Variants in MYH15 observed in about 807,000 individuals in gnomAD.
MYH15 encodes the protein myosin-15.
Under a neutral mutation model 240.5 loss-of-function variants are expected in MYH15, and 227 were observed. That is an observed-to-expected ratio of 0.94 (90% confidence interval 0.85 to 1.05). MYH15 has a LOEUF of 1.05. Ranked by LOEUF, MYH15 falls within the 50% of genes least tolerant of loss-of-function variation. MYH15 has a pLI of 0.00. For missense variants in MYH15, 2,217 were observed against 2,247.5 expected (o/e 0.99, Z 0.27); for synonymous variants, 785 against 796.7 (o/e 0.99, Z 0.25).
intron 27 of MYH15, among the ~76,000 whole-genome samples, chr3:108,424,885 C>G (rs1030703214): frequency 1.3e-5 from 2 of 152,206 alleles, no homozygotes; most frequent in East Asian, 3.9e-4. Context: ...GAGTTCATCT[C>G]TTCCATAGAA....
chr3:108,455,418 C>T (rs1028942026), intron 20 of MYH15, among the ~76,000 whole-genome samples: 2 of 152,184 alleles, frequency 1.3e-5, no homozygotes, highest in African/African-American at 4.8e-5. Context: ...CTCCAGGAAG[C>T]TGATTCACTT....
chr3:108,396,347 G>GC (rs749443320), intron 35 of MYH15, among the ~76,000 whole-genome samples: 3 of 129,208 alleles, frequency 2.3e-5, no homozygotes, highest in Non-Finnish European at 3.4e-5. Context: ...AGCAGGGTTG[G>GC]GGGGAGACGG....
In MYH15 at chr3:108,421,185, A is replaced by C; in HGVS notation, c.3732T>G (p.Tyr1244Ter). Reference sequence around the variant, plus strand: ...CAGTTGCTTCATGCAAGCGCTCTTCATATAGAGTACAGAGTTTCTCAGCAT... The same window carrying C: ...CAGTTGCTTCATGCAAGCGCTCTTCCTATAGAGTACAGAGTTTCTCAGCAT... ...KANAEKLCTL[Y>*]EERLHEATAK... The change falls in exon 28 of 41, where the codon TAT becomes TAG. Residue 1244 changes from tyrosine (Y) to a stop codon, truncating the protein, a stop_gained. Transcript: ENST00000693548. LOFTEE classifies it high-confidence loss of function. 1 of 1,613,628 alleles carries C rather than the reference A, an allele frequency of 6.2e-7. No homozygotes were observed. The highest frequency in any genetic ancestry group is 8.5e-7 in the Non-Finnish European group (1 of 1,179,948).
intron 28 of MYH15, among the ~76,000 whole-genome samples, chr3:108,420,696 G>A (rs1292612758): frequency 6.6e-6 from 1 of 152,150 alleles, no homozygotes; most frequent in Non-Finnish European, 1.5e-5. Context: ...TTTACCAGGT[G>A]TAAAGAGAGA....
In MYH15 at chr3:108,486,486, A is replaced by G. The variant is rs1323303093; in HGVS notation, c.912T>C (p.Phe304=). The G allele has an allele frequency of 1.2e-6, 2 of 1,613,002 alleles. No individual in the cohort carries two copies. Among genetic ancestry groups the G allele is most frequent in the Non-Finnish European group, 1.7e-6 (2 of 1,179,190 alleles). Residue 304 remains phenylalanine, a synonymous_variant, in exon 10 of 41, where the codon TTT becomes TTC. Coordinates refer to ENST00000693548, the MANE Select transcript of MYH15 (RefSeq NM_014981.3). ...CCACAGTAACTGCTCCACAGGAGCA[A>G]AAGTGGAAGTCTGAGGGATTTGCAG... ...LVSANPSDFH[F]CSCGAVTVES...
At chr3:108,411,091 G>C (rs1179615152) in intron 30 of MYH15, among the ~76,000 whole-genome samples, 159 bp from the exon 31 acceptor site, 2 of 152,154 alleles carry the variant, frequency 1.3e-5, no homozygotes, top group African/African-American at 2.4e-5. Context: ...ATCTGAAAGT[G>C]ACCTCACTGT....
intron 28 of MYH15, among the ~76,000 whole-genome samples, chr3:108,419,114 T>C (rs911497197): frequency 6.6e-6 from 1 of 152,166 alleles, no homozygotes. Flanking sequence ...TTGAGACTAA[T>C]ACATCACGTA....
chr3:108,415,121 C>T (rs555919632), intron 29 of MYH15, among the ~76,000 whole-genome samples: 18 of 152,182 alleles, frequency 1.2e-4, no homozygotes, highest in Non-Finnish European at 2.2e-4. Flanking sequence ...ATGTATTGGA[C>T]GGCCCTGCTG....
intron 2 of MYH15, among the ~76,000 whole-genome samples, chr3:108,502,163 T>C (rs775786628): frequency 1.3e-5 from 2 of 152,186 alleles, no homozygotes; most frequent in African/African-American, 2.4e-5. Flanking sequence ...GATCATATTA[T>C]GTACAATCTA....
At chr3:108,545,654 A>T in the MYH15 span, among the ~76,000 whole-genome samples, 1 of 151,870 alleles carries the variant, frequency 6.6e-6, no homozygotes, top group African/African-American at 2.4e-5. Context: ...TAATTTCATT[A>T]TGCAGAGGTT....
chr3:108,463,970 A>C (rs1041224518), intron 15 of MYH15, among the ~76,000 whole-genome samples: 43 of 152,066 alleles, frequency 2.8e-4, no homozygotes, highest in African/African-American at 7.0e-4. Context: ...CAAAAAAAAA[A>C]CCAGCAATTG....
intron 14 of MYH15, among the ~76,000 whole-genome samples, chr3:108,465,177 A>G (rs2107583728): frequency 6.6e-6 from 1 of 152,344 alleles, no homozygotes; most frequent in Non-Finnish European, 1.5e-5. Context: ...AAAGAAGTAG[A>G]GAATGACAGG....
At chr3:108,430,178 T>C (rs770279305) in intron 26 of MYH15, among the ~76,000 whole-genome samples, 3 of 152,196 alleles carry the variant, frequency 2.0e-5, no homozygotes, top group Non-Finnish European at 4.4e-5. Flanking sequence ...AGAAGATAAA[T>C]ATCAGAAAGA....
chr3:108,405,384 G>A lies in MYH15; in HGVS notation c.4690C>T (p.Leu1564Phe). ...QLELLEAKAE[L>F]ERKLSEKDEE... ...TCTTTCTCTGAAAGCTTTCTTTCAA[G>A]TTCTGCTTTAGCTTCCAAGAGTTCA... Residue 1564 changes from leucine (L) to phenylalanine (F), a missense_variant, in exon 33 of 41, where the codon CTT becomes TTT. By Grantham distance (22) the Leu-to-Phe change is conservative (BLOSUM62 0). Coordinates refer to ENST00000693548, the MANE Select transcript of MYH15 (RefSeq NM_014981.3). 1 of 1,517,602 alleles carries A rather than the reference G, an allele frequency of 6.6e-7. No individual in the cohort carries two copies. 94.0% of individuals were successfully genotyped at this position (1,517,602 alleles called of 1,614,324 possible). A position where few individuals can be genotyped will look rare whatever the true frequency, so the allele number is the denominator to read the frequency against.
chr3:108,385,648 A>G (rs1053656890), intron 38 of MYH15, among the ~76,000 whole-genome samples: 3 of 152,202 alleles, frequency 2.0e-5, no homozygotes, highest in African/African-American at 4.8e-5. Flanking sequence ...AAATATCTCA[A>G]TTTGCTCAGG....
At chr3:108,383,542 G>A (rs1252712031) in intron 40 of MYH15, 53 bp downstream of exon 40, 19 of 1,581,114 alleles carry the variant, frequency 1.2e-5, no homozygotes, top group Non-Finnish European at 1.6e-5. Context: ...AATGACATCA[G>A]CCCTAAACAA....
chr3:108,544,945 T>C, the MYH15 span, among the ~76,000 whole-genome samples: 241 of 152,296 alleles, frequency 1.6e-3, 1 homozygote, highest in African/African-American at 5.5e-3. Context: ...ATCCAAGTCC[T>C]AGACATATTG....
the MYH15 span, among the ~76,000 whole-genome samples, chr3:108,549,210 G>T: frequency 1.9e-4 from 29 of 151,542 alleles, no homozygotes; most frequent in Non-Finnish European, 3.8e-4. Context: ...CCTGACTATG[G>T]TGGTGGTTCA....
At position 108,523,435 on chromosome 3, in the gene MYH15, G is replaced by A. The variant is rs550190509; in HGVS notation, c.-58+5828C>T. On this transcript the variant is annotated intron_variant, in intron 1 of 41. Transcript: ENST00000273353. ...TAAATATATGCAATTATTATTTGTC[G>A]AATAAAAATAAAATTGAACTTCCAA... Among the ~76,000 whole-genome samples, 292 of 151,814 alleles carry A rather than the reference G, an allele frequency of 1.9e-3. 9 individuals are homozygous for A. In the South Asian group the frequency reaches 0.032, roughly 17 times the overall value.
Sources: gnomAD v4.1 joint callset for allele counts (sites outside exome capture counted in the v4.1 genomes callset) on GRCh38, gnomAD v4.1.1 for gene constraint, MANE v1.5 for transcripts, NCBI Gene and HGNC (gene_info 2026-07-23, HGNC 2026-07-21) for gene names.